GFOD1: variants seen among roughly 807,000 people sequenced by gnomAD.
GFOD1 encodes the protein Gfo/Idh/MocA-like oxidoreductase domain containing 1, also known as glucose-fructose oxidoreductase domain-containing protein 1.
A neutral mutation model predicts 25.4 loss-of-function variants in GFOD1; 9 were observed. The ratio of observed to expected loss-of-function variants is 0.35; its 90% CI spans 0.21 to 0.62. GFOD1 has a LOEUF of 0.62. GFOD1 is among the 20% of genes least tolerant of loss of function. GFOD1 has a pLI of 0.72. For synonymous variants in GFOD1, 253 were observed against 245.6 expected, an observed-to-expected ratio of 1.03 and a Z score of -0.28; for missense variants, 403 against 556.9, an observed-to-expected ratio of 0.72 and a Z score of 2.78.
chr6:13,480,745 C>T, intron 1 of GFOD1, among the ~76,000 whole-genome samples: 1 of 152,138 alleles, frequency 6.6e-6, no homozygotes, highest in East Asian at 1.9e-4. Flanking sequence ...CCTCCGTCTC[C>T]CGAAGTGCTG....
intron 1 of GFOD1, among the ~76,000 whole-genome samples, chr6:13,443,875 C>T (rs1175112914): frequency 1.3e-5 from 2 of 151,508 alleles, no homozygotes; most frequent in Admixed American, 1.3e-4. Flanking sequence ...AACCAGCACC[C>T]TAACCAGTCA....
At chr6:13,464,305 G>T in intron 1 of GFOD1, among the ~76,000 whole-genome samples, 1 of 152,194 alleles carries the variant, frequency 6.6e-6, no homozygotes, top group African/African-American at 2.4e-5. Flanking sequence ...CACAAGTAAG[G>T]GCAGAAGGCA....
At chr6:13,465,868 T>C (rs1318250032) in intron 1 of GFOD1, among the ~76,000 whole-genome samples, 1 of 152,182 alleles carries the variant, frequency 6.6e-6, no homozygotes, top group African/African-American at 2.4e-5. Context: ...ACATTTATAA[T>C]GAAACCTGGG....
chr6:13,472,419 C>G (rs912368231), intron 1 of GFOD1, among the ~76,000 whole-genome samples: 1 of 152,178 alleles, frequency 6.6e-6, no homozygotes, highest in Non-Finnish European at 1.5e-5. Context: ...CCGTAGTTCA[C>G]CATAATAAGT....
At chr6:13,469,050 A>G (rs1274663532) in intron 1 of GFOD1, among the ~76,000 whole-genome samples, 1 of 152,216 alleles carries the variant, frequency 6.6e-6, no homozygotes. Flanking sequence ...TGCTGGCCAC[A>G]GGGCATTGTG....
intron 1 of GFOD1, among the ~76,000 whole-genome samples, chr6:13,391,245 T>TGCTA (rs1485711618): frequency 1.5e-5 from 2 of 132,502 alleles, no homozygotes; most frequent in African/African-American, 5.0e-5. Context: ...TATCTGACGG[T>TGCTA]GCTAGCTAGC....
chr6:13,390,080 C>T (rs892755808), intron 1 of GFOD1, among the ~76,000 whole-genome samples: 1 of 152,130 alleles, frequency 6.6e-6, no homozygotes, highest in East Asian at 1.9e-4. Flanking sequence ...TCTGGGACAT[C>T]CCCCCTGAGG....
At chr6:13,410,937 G>A (rs1786066970) in intron 1 of GFOD1, among the ~76,000 whole-genome samples, 1 of 152,168 alleles carries the variant, frequency 6.6e-6, no homozygotes, top group African/African-American at 2.4e-5. Context: ...CAGCAATACA[G>A]AGTTTAATTT....
intron 1 of GFOD1, among the ~76,000 whole-genome samples, chr6:13,383,379 C>G (rs1461572043): frequency 2.0e-5 from 3 of 152,226 alleles, no homozygotes; most frequent in Admixed American, 6.5e-5. Context: ...TACTTGACAT[C>G]TATTGGATAC....
At chr6:13,444,168 C>T (rs1757964323) in intron 1 of GFOD1, among the ~76,000 whole-genome samples, 1 of 152,128 alleles carries the variant, frequency 6.6e-6, no homozygotes, top group Non-Finnish European at 1.5e-5. Flanking sequence ...CCATGGAATA[C>T]TATGCAGCTA....
At chr6:13,451,956 G>C (rs1455418417) in intron 1 of GFOD1, among the ~76,000 whole-genome samples, 1 of 152,214 alleles carries the variant, frequency 6.6e-6, no homozygotes. Flanking sequence ...CTCCAGTTCA[G>C]CTCAGCACTG....
intron 1 of GFOD1, 102 bp downstream of exon 1, chr6:13,486,536 G>T: frequency 1.0e-6 from 1 of 971,654 alleles, no homozygotes; most frequent in Non-Finnish European, 1.6e-6. Context: ...TAGATGCAGG[G>T]TAAGCTTCTG....
In GFOD1 at chr6:13,389,973, C is replaced by T. The variant is rs9474092; in HGVS notation, c.254-24311G>A. Among the ~76,000 whole-genome samples, 1,389 of 152,086 alleles carry T rather than the reference C, an allele frequency of 9.1e-3. 20 individuals carry two copies. The highest frequency in any genetic ancestry group is 0.032 in the African/African-American group (1,317 of 41,506). ...AGTCATCAAGTTCAAACAAGTTCAG[C>T]CCCCCGTGCACATTCCCACCTTCCC... is the stretch of plus-strand genomic sequence containing the variant. On this transcript the variant is annotated intron_variant, in intron 1 of 1. Transcript: ENST00000379287.
At position 13,365,328 on chromosome 6, in the gene GFOD1, G is replaced by A. The variant is rs747987858; in HGVS notation, c.588C>T (p.His196=). ...FLTGQKAVKV[H]GLLKTFVKQT... The stretch of plus-strand genomic sequence containing the variant: ...GCTTCACGAAGGTCTTGAGCAGCCC[G>A]TGGACCTTGACGGCCTTTTGGCCGG... Residue 196 remains histidine, a synonymous_variant, in exon 2 of 2, where the codon CAC becomes CAT. Coordinates refer to ENST00000379287, the MANE Select transcript of GFOD1 (RefSeq NM_018988.4). The surrounding 1 kb of genome is among the most constrained non-coding windows in gnomAD (Gnocchi z 9.2). The A allele has an allele frequency of 1.2e-6, 2 of 1,614,198 alleles. No individual in the cohort carries two copies. The highest frequency in any genetic ancestry group is 3.3e-5 in the Admixed American group (2 of 60,034).
chr6:13,440,087 A>C (rs1406664172), intron 1 of GFOD1, among the ~76,000 whole-genome samples: 1 of 152,170 alleles, frequency 6.6e-6, no homozygotes, highest in Non-Finnish European at 1.5e-5. Context: ...AATCAATGAT[A>C]ATTGTTATAG....
At chr6:13,468,402 G>A (rs1758415099) in intron 1 of GFOD1, among the ~76,000 whole-genome samples, 1 of 152,048 alleles carries the variant, frequency 6.6e-6, no homozygotes, top group African/African-American at 2.4e-5. Flanking sequence ...GAACATTTAT[G>A]TTGTTTCCAG....
chr6:13,397,519 G>T (rs1217521229), intron 1 of GFOD1, among the ~76,000 whole-genome samples: 1 of 152,220 alleles, frequency 6.6e-6, no homozygotes, highest in African/African-American at 2.4e-5. Flanking sequence ...TAACCTGGAA[G>T]GGTGGAGGCC....
intron 1 of GFOD1, among the ~76,000 whole-genome samples, chr6:13,449,227 G>T (rs1028954324): frequency 2.0e-5 from 3 of 152,212 alleles, no homozygotes; most frequent in African/African-American, 7.2e-5. Flanking sequence ...GGAGGTTGGG[G>T]CTGCAGTGAG....
At chr6:13,385,850 A>C (rs1785462878) in intron 1 of GFOD1, among the ~76,000 whole-genome samples, 1 of 152,212 alleles carries the variant, frequency 6.6e-6, no homozygotes, top group Non-Finnish European at 1.5e-5. Flanking sequence ...CCAACTTCTA[A>C]GGATAAAGCC....
Sources: allele counts gnomAD v4.1 joint callset (sites outside exome capture counted in the v4.1 genomes callset), GRCh38; gene constraint gnomAD v4.1.1; non-coding constraint Gnocchi (gnomAD v3.1); transcripts MANE v1.5; gene names NCBI Gene and HGNC (gene_info 2026-07-23, HGNC 2026-07-21).